AGMO: variants seen among roughly 807,000 people sequenced by gnomAD.
The protein encoded by AGMO is glyceryl-ether monooxygenase.
In AGMO, 75 loss-of-function variants were observed where a neutral mutation model predicts 60.2. That is an observed-to-expected ratio of 1.25 (90% CI 1.03 to 1.51). AGMO has a LOEUF of 1.51. AGMO is among the 40% of genes most tolerant of loss of function. AGMO has a pLI of 0.00. For missense variants in AGMO, 763 were observed against 525.5 expected (o/e 1.45, Z -4.42); for synonymous variants, 261 against 177.1 (o/e 1.47, Z -3.76).
the AGMO span, among the ~76,000 whole-genome samples, chr7:15,158,301 C>G: frequency 6.6e-6 from 1 of 152,114 alleles, no homozygotes; most frequent in Non-Finnish European, 1.5e-5. Flanking sequence ...GTGTGAGCAG[C>G]ACTGCTATAG....
intron 3 of AGMO, among the ~76,000 whole-genome samples, chr7:15,487,539 T>C (rs1242607918): frequency 2.6e-5 from 4 of 152,154 alleles, no homozygotes; most frequent in Non-Finnish European, 1.5e-5. Context: ...TCATGTTTTG[T>C]TTAGGCAAAT....
intron 3 of AGMO, among the ~76,000 whole-genome samples, chr7:15,525,019 G>A (rs1784087306): frequency 6.6e-6 from 1 of 152,008 alleles, no homozygotes; most frequent in East Asian, 1.9e-4. Context: ...TCTCTTCTTG[G>A]TCAAGGGGAC....
Position 15,533,213 on chromosome 7 carries a change from G to A in AGMO, c.409+11559C>T, listed in dbSNP as rs367705209. Among the ~76,000 whole-genome samples the A allele has an allele frequency of 1.2e-4, 19 of 152,076 alleles. 1 individual carries two copies. Among genetic ancestry groups the A allele is most frequent in the African/African-American group, 4.6e-4 (19 of 41,454 alleles). On this transcript the variant is annotated intron_variant, in intron 3 of 12. Transcript: ENST00000342526. The stretch of plus-strand genomic sequence containing the variant: ...GTAATATATATTGCCATTCCAAAGA[G>A]TTCCTGTTATGCTGTGGTTATGTAT...
At chr7:15,481,789 ATTTTTTTT>A (rs5882513) in intron 3 of AGMO, among the ~76,000 whole-genome samples, 14 of 98,704 alleles carry the variant, frequency 1.4e-4, no homozygotes, top group Non-Finnish European at 2.3e-4. Flanking sequence ...GACTAAATGT[ATTTTTTTT>A]TTTTTTTTTT....
At chr7:15,433,091 A>G (rs1003592017) in intron 3 of AGMO, among the ~76,000 whole-genome samples, 3 of 152,028 alleles carry the variant, frequency 2.0e-5, no homozygotes, top group Non-Finnish European at 2.9e-5. Flanking sequence ...AAATCAATAC[A>G]TTGTCTAGTT....
intron 12 of AGMO, among the ~76,000 whole-genome samples, chr7:15,300,242 T>C (rs1784528774): frequency 6.6e-6 from 1 of 151,710 alleles, no homozygotes; most frequent in Admixed American, 6.6e-5. Flanking sequence ...GTGAGGGAAG[T>C]GCTGAGTATG....
chr7:15,390,989 T>C (rs1401450341), intron 6 of AGMO, 84 bp from the exon 7 acceptor site: 2 of 823,130 alleles, frequency 2.4e-6, no homozygotes, highest in Non-Finnish European at 3.8e-6. Flanking sequence ...TTAGAATATA[T>C]TCATAAAATT....
At chr7:15,250,668 C>T (rs1782902613) in intron 12 of AGMO, among the ~76,000 whole-genome samples, 1 of 151,932 alleles carries the variant, frequency 6.6e-6, no homozygotes, top group Non-Finnish European at 1.5e-5. Flanking sequence ...AATATTCAAC[C>T]ATGGCTCACG....
At chr7:15,405,477 T>C (rs1300422328) in intron 5 of AGMO, among the ~76,000 whole-genome samples, 1 of 151,936 alleles carries the variant, frequency 6.6e-6, no homozygotes, top group East Asian at 1.9e-4. Flanking sequence ...TTTACGTGGT[T>C]CTTGGAAGGG....
intron 3 of AGMO, among the ~76,000 whole-genome samples, chr7:15,437,231 T>A (rs562106649): frequency 6.6e-6 from 1 of 152,324 alleles, no homozygotes; most frequent in South Asian, 2.1e-4. Context: ...ATCAATTTTA[T>A]CATCATAACT....
At chr7:15,357,514 T>G (rs1234511959) in intron 12 of AGMO, among the ~76,000 whole-genome samples, 2 of 152,174 alleles carry the variant, frequency 1.3e-5, no homozygotes, top group African/African-American at 4.8e-5. Flanking sequence ...TCAAAAGAGT[T>G]TATTTCCCCA....
intron 12 of AGMO, among the ~76,000 whole-genome samples, chr7:15,257,782 C>T (rs1421154595): frequency 1.3e-5 from 2 of 152,166 alleles, no homozygotes; most frequent in African/African-American, 4.8e-5. Flanking sequence ...GCTACTCTAT[C>T]TAAATGAAAT....
At chr7:15,294,434 T>C (rs2128523377) in intron 12 of AGMO, among the ~76,000 whole-genome samples, 1 of 151,864 alleles carries the variant, frequency 6.6e-6, no homozygotes, top group Non-Finnish European at 1.5e-5. Context: ...CAGAACAACA[T>C]AAATGTAGAA....
the AGMO span, among the ~76,000 whole-genome samples, chr7:15,133,655 T>C: frequency 6.6e-6 from 1 of 152,138 alleles, no homozygotes; most frequent in Admixed American, 6.6e-5. Flanking sequence ...CAATTGAAGC[T>C]ACGCAGAGGA....
chr7:15,307,450 T>C (rs1434462598), intron 12 of AGMO, among the ~76,000 whole-genome samples: 1 of 152,026 alleles, frequency 6.6e-6, no homozygotes, highest in East Asian at 1.9e-4. Flanking sequence ...AATTAAACTC[T>C]AAAAGAACAG....
intron 12 of AGMO, among the ~76,000 whole-genome samples, chr7:15,273,055 A>T (rs1459418581): frequency 6.6e-6 from 1 of 152,018 alleles, no homozygotes; most frequent in Non-Finnish European, 1.5e-5. Context: ...AGATTGCAAA[A>T]ATTTTCTCCC....
chr7:15,459,599 T>TGTATGTGTGTG (rs1554274867), intron 3 of AGMO, among the ~76,000 whole-genome samples: 2 of 142,140 alleles, frequency 1.4e-5, no homozygotes, highest in African/African-American at 5.3e-5. Flanking sequence ...GTATGTGCGT[T>TGTATGTGTGTG]TGTGTGTGTG....
intron 3 of AGMO, among the ~76,000 whole-genome samples, chr7:15,451,785 C>T (rs920016359): frequency 5.3e-5 from 8 of 151,930 alleles, no homozygotes; most frequent in Non-Finnish European, 7.4e-5. Flanking sequence ...TTCACAGAGA[C>T]CCCACCACAG....
chr7:15,406,328 TG>T (rs1449399393), intron 5 of AGMO, among the ~76,000 whole-genome samples: 14 of 146,046 alleles, frequency 9.6e-5, no homozygotes, highest in Non-Finnish European at 1.8e-4. Flanking sequence ...TGTATATATA[TG>T]GAATATACAT....
Sources: gnomAD v4.1 joint callset for allele counts (sites outside exome capture counted in the v4.1 genomes callset) on GRCh38, gnomAD v4.1.1 for gene constraint, MANE v1.5 for transcripts, NCBI Gene and HGNC (gene_info 2026-07-23, HGNC 2026-07-21) for gene names.